The following ARNT2 variants were observed in gnomAD, a reference collection of about 807,000 sequenced individuals.
ARNT2 encodes the protein aryl hydrocarbon receptor nuclear translocator 2.
In ARNT2, 36 loss-of-function variants were observed where a neutral mutation model predicts 91.7. The ratio of observed to expected loss-of-function variants is 0.39; its 90% CI spans 0.30 to 0.52. The LOEUF is 0.52. ARNT2 is among the 20% of genes least tolerant of loss of function. The pLI is 0.72. For synonymous variants in ARNT2, 365 were observed against 347.1 expected, an observed-to-expected ratio of 1.05 and a Z score of -0.57; for missense variants, 775 against 939.3, an observed-to-expected ratio of 0.83 and a Z score of 2.29.
chr15:80,548,506 A>T (rs11072924), intron 8 of ARNT2, among the ~76,000 whole-genome samples: 46,372 of 152,036 alleles, frequency 0.31, 7,513 homozygotes, highest in Non-Finnish European at 0.35. Context: ...CTGTTTTCAG[A>T]TTATATAATA....
intron 17 of ARNT2, among the ~76,000 whole-genome samples, chr15:80,583,051 C>T (rs943354685): frequency 2.6e-5 from 4 of 152,148 alleles, no homozygotes; most frequent in African/African-American, 7.2e-5. Flanking sequence ...TGCCAGGCCC[C>T]GAATCAGCCC....
chr15:80,536,551 A>G lies in ARNT2; in HGVS notation c.878-14648A>G, dbSNP rs538085654. ...CTGATATTCACCCGTGCAAGCTTCC[A>G]GCTTCCTTGTCTATGTCTGCAGCTC... On this transcript the variant is annotated intron_variant, in intron 8 of 18. Coordinates refer to ENST00000303329, the MANE Select transcript of ARNT2 (RefSeq NM_014862.4). 6.6e-5 allele frequency among the ~76,000 whole-genome samples: 10 copies of G among 152,328 alleles called. No homozygotes were observed. The South Asian group carries it at 1.9e-3, about 28-fold the overall frequency.
At chr15:80,517,087 T>C (rs1403702246) in intron 8 of ARNT2, among the ~76,000 whole-genome samples, 1 of 151,990 alleles carries the variant, frequency 6.6e-6, no homozygotes, top group Non-Finnish European at 1.5e-5. Flanking sequence ...CCTTCTCTGA[T>C]GCTCTTCTTC....
intron 1 of ARNT2, among the ~76,000 whole-genome samples, chr15:80,410,012 G>T: frequency 6.6e-6 from 1 of 152,168 alleles, no homozygotes; most frequent in East Asian, 1.9e-4. Context: ...TTTAAAAAGC[G>T]CTGGAAATCT....
chr15:80,580,979 TG>T (rs1755063615), intron 16 of ARNT2: 1 of 541,694 alleles, frequency 1.8e-6, no homozygotes, highest in Non-Finnish European at 3.3e-6. Context: ...GCCAAGGCCT[TG>T]GTAACCAGAC....
At chr15:80,584,253 T>A (rs927512380) in intron 17 of ARNT2, among the ~76,000 whole-genome samples, 2 of 152,038 alleles carry the variant, frequency 1.3e-5, no homozygotes, top group Non-Finnish European at 2.9e-5. Context: ...CATAAGGTGT[T>A]GGGGTTCACA....
chr15:80,525,291 CATG>C (rs1897622712), intron 8 of ARNT2, among the ~76,000 whole-genome samples: 1 of 152,194 alleles, frequency 6.6e-6, no homozygotes, highest in Admixed American at 6.5e-5. Context: ...CATCTCCATA[CATG>C]ATGATAATAG....
At chr15:80,530,954 T>C (rs1417337795) in intron 8 of ARNT2, among the ~76,000 whole-genome samples, 2 of 152,246 alleles carry the variant, frequency 1.3e-5, no homozygotes, top group Non-Finnish European at 2.9e-5. Flanking sequence ...TCTCTTAGAC[T>C]TCTACAGTGA....
intron 11 of ARNT2, among the ~76,000 whole-genome samples, chr15:80,557,500 G>A (rs1898213538): frequency 6.6e-6 from 1 of 152,070 alleles, no homozygotes; most frequent in Non-Finnish European, 1.5e-5. Context: ...TATAACTATT[G>A]GGTACTGGCC....
intron 1 of ARNT2, among the ~76,000 whole-genome samples, chr15:80,423,706 AT>A (rs1895893015): frequency 6.6e-6 from 1 of 151,774 alleles, no homozygotes; most frequent in African/African-American, 2.4e-5. Flanking sequence ...ATATGCTAGA[AT>A]TTGTAGTGTG....
intron 4 of ARNT2, among the ~76,000 whole-genome samples, chr15:80,473,799 A>G (rs1595978414): frequency 6.6e-6 from 1 of 152,164 alleles, no homozygotes; most frequent in South Asian, 2.1e-4. Context: ...GGGTCCTTGT[A>G]CCCTGCTCAG....
At chr15:80,532,626 T>C (rs995811659) in intron 8 of ARNT2, among the ~76,000 whole-genome samples, 1 of 152,168 alleles carries the variant, frequency 6.6e-6, no homozygotes, top group Non-Finnish European at 1.5e-5. Context: ...AGCATGCTGT[T>C]GGGAGAGAGA....
chr15:80,421,552 C>G (rs985345417), intron 1 of ARNT2, among the ~76,000 whole-genome samples: 1 of 152,126 alleles, frequency 6.6e-6, no homozygotes, highest in Non-Finnish European at 1.5e-5. Flanking sequence ...CTATAGTTCA[C>G]TAGTTTTGAA....
At position 80,513,993 on chromosome 15, in the gene ARNT2, A is replaced by C; in HGVS notation, c.791+17A>C. ...AAGGTTCAGGTCAGTATCTCTTCCG[A>C]TGTATATTTTGGGACTGTTCTGGTA... is the stretch of plus-strand genomic sequence containing the variant. On this transcript the variant is annotated intron_variant, in intron 7 of 18. Coordinates refer to ENST00000303329, the MANE Select transcript of ARNT2 (RefSeq NM_014862.4). 2 of 1,605,190 alleles carry C rather than the reference A, an allele frequency of 1.2e-6. No homozygotes were observed. The highest frequency in any genetic ancestry group is 2.2e-5 in the South Asian group (2 of 90,824).
chr15:80,579,783 T>C (rs1310731911), intron 15 of ARNT2, among the ~76,000 whole-genome samples: 1 of 152,180 alleles, frequency 6.6e-6, no homozygotes, highest in Non-Finnish European at 1.5e-5. Context: ...GTCAGAGATT[T>C]AGCCTGCAAA....
chr15:80,474,531 A>G (rs1314551905), intron 4 of ARNT2, among the ~76,000 whole-genome samples: 1 of 152,216 alleles, frequency 6.6e-6, no homozygotes, highest in Non-Finnish European at 1.5e-5. Flanking sequence ...TCAGTACGGC[A>G]AGCTGTGGGT....
chr15:80,524,427 A>G (rs948545175), intron 8 of ARNT2, among the ~76,000 whole-genome samples: 1 of 152,214 alleles, frequency 6.6e-6, no homozygotes, highest in Non-Finnish European at 1.5e-5. Flanking sequence ...TTAATCAGAG[A>G]TGTGTGCATG....
intron 5 of ARNT2, among the ~76,000 whole-genome samples, chr15:80,493,200 C>G (rs1897080079): frequency 6.6e-6 from 1 of 152,228 alleles, no homozygotes; most frequent in African/African-American, 2.4e-5. Flanking sequence ...TCCCTACAAT[C>G]ATGACATTAA....
At chr15:80,502,370 C>T (rs756272552) in intron 5 of ARNT2, among the ~76,000 whole-genome samples, 8 of 152,198 alleles carry the variant, frequency 5.3e-5, no homozygotes, top group Non-Finnish European at 8.8e-5. Context: ...TTAGGTGGGC[C>T]TTCCACATGG....
Sources: gnomAD v4.1 joint callset for allele counts (sites outside exome capture counted in the v4.1 genomes callset) on GRCh38, gnomAD v4.1.1 for gene constraint, MANE v1.5 for transcripts, NCBI Gene and HGNC (gene_info 2026-07-23, HGNC 2026-07-21) for gene names.